ACOXL: variants seen among roughly 807,000 people sequenced by gnomAD.
ACOXL encodes acyl-CoA oxidase like.
In ACOXL, 70 loss-of-function variants were observed where a neutral mutation model predicts 71.9. The observed-to-expected ratio is 0.97, with a 90% CI of 0.80 to 1.19. The LOEUF (loss-of-function observed/expected upper bound fraction) is 1.19, where lower values mean the gene tolerates loss of function less well. Ranked by LOEUF, ACOXL falls within the 50% of genes most tolerant of loss-of-function variation. ACOXL has a pLI of 0.00. For synonymous variants in ACOXL, 253 were observed against 281.6 expected, an observed-to-expected ratio of 0.90 and a Z score of 1.02; for missense variants, 703 against 736.3, an observed-to-expected ratio of 0.95 and a Z score of 0.52.
intron 11 of ACOXL, among the ~76,000 whole-genome samples, chr2:110,927,773 A>G (rs1168534608): frequency 2.0e-5 from 3 of 152,128 alleles, no homozygotes; most frequent in East Asian, 3.9e-4. Flanking sequence ...TCACCTACAA[A>G]ATGAAATTGC....
At chr2:110,997,333 CA>C (rs1489866474) in intron 14 of ACOXL, among the ~76,000 whole-genome samples, 1 of 122,382 alleles carries the variant, frequency 8.2e-6, no homozygotes, top group Non-Finnish European at 1.8e-5. Flanking sequence ...CCTTCATTTC[CA>C]TTATGCTAAC....
At chr2:111,033,691 C>T (rs963382360) in intron 15 of ACOXL, among the ~76,000 whole-genome samples, 3 of 152,196 alleles carry the variant, frequency 2.0e-5, no homozygotes, top group African/African-American at 7.2e-5. Flanking sequence ...CGGGTTGAAA[C>T]ATATCTGGGG....
chr2:110,866,132 G>A (rs1029923416), intron 10 of ACOXL, among the ~76,000 whole-genome samples: 5 of 152,228 alleles, frequency 3.3e-5, no homozygotes, highest in African/African-American at 7.2e-5. Flanking sequence ...GTGGCGTGCC[G>A]TGTGCCTCAT....
intron 10 of ACOXL, among the ~76,000 whole-genome samples, chr2:110,883,538 C>A (rs1240624333): frequency 1.3e-5 from 2 of 152,132 alleles, no homozygotes; most frequent in African/African-American, 4.8e-5. Context: ...GTTAAGTGTC[C>A]TAACTTTGGA....
intron 2 of ACOXL, among the ~76,000 whole-genome samples, chr2:110,778,819 A>G (rs1682971134): frequency 1.3e-5 from 2 of 152,202 alleles, no homozygotes; most frequent in Non-Finnish European, 1.5e-5. Flanking sequence ...ATGTAGAATA[A>G]TGGGAACAAT....
At chr2:110,766,670 C>T (rs943778243) in intron 1 of ACOXL, among the ~76,000 whole-genome samples, 9 of 152,046 alleles carry the variant, frequency 5.9e-5, no homozygotes, top group South Asian at 2.1e-4. Flanking sequence ...TTGTTAATAC[C>T]GAGTAGGGGT....
At position 110,955,732 on chromosome 2, in the gene ACOXL, C is replaced by T. The variant is rs377338185; in HGVS notation, c.1059+22090C>T. 9.2e-5 allele frequency among the ~76,000 whole-genome samples: 14 copies of T among 151,952 alleles called. 2 individuals are homozygous for T. The highest frequency in any genetic ancestry group is 7.9e-4 in the Admixed American group (12 of 15,262). On this transcript the variant is annotated intron_variant, in intron 12 of 17. Transcript: ENST00000439055. ...TTCTGTACCCCTTCATGCCTCAGGGCGTTTGCACAGGCTGCTCTCTCAGCT... is the reference window on the plus strand; with the variant it reads ...TTCTGTACCCCTTCATGCCTCAGGGTGTTTGCACAGGCTGCTCTCTCAGCT...
At chr2:110,960,447 G>A (rs759557383) in intron 12 of ACOXL, among the ~76,000 whole-genome samples, 16 of 152,178 alleles carry the variant, frequency 1.1e-4, no homozygotes, top group African/African-American at 2.6e-4. Flanking sequence ...ATGTGCAGTC[G>A]TGGCCCTCCT....
intron 3 of ACOXL, among the ~76,000 whole-genome samples, chr2:110,791,196 T>C (rs1263026996): frequency 6.6e-6 from 1 of 152,234 alleles, no homozygotes; most frequent in African/African-American, 2.4e-5. Context: ...TACCTGACTG[T>C]GTGGATTGAG....
chr2:110,742,784 A>C (rs1036098501), intron 1 of ACOXL, among the ~76,000 whole-genome samples: 1 of 152,238 alleles, frequency 6.6e-6, no homozygotes, highest in Non-Finnish European at 1.5e-5. Context: ...GAAACTGTAG[A>C]TCTACTAGAA....
chr2:110,781,485 C>CA (rs984312969), intron 2 of ACOXL, among the ~76,000 whole-genome samples: 3 of 151,446 alleles, frequency 2.0e-5, no homozygotes, highest in African/African-American at 7.3e-5. Flanking sequence ...ACTAAAAATA[C>CA]AAAAAAATTA....
At chr2:111,000,347 G>A (rs1050372746) in intron 14 of ACOXL, among the ~76,000 whole-genome samples, 2 of 152,166 alleles carry the variant, frequency 1.3e-5, no homozygotes, top group Non-Finnish European at 2.9e-5. Flanking sequence ...GGTGTTGCCT[G>A]CCTTCTTATT....
intron 15 of ACOXL, among the ~76,000 whole-genome samples, chr2:111,046,942 G>T (rs2066044771): frequency 6.6e-6 from 1 of 152,210 alleles, no homozygotes; most frequent in African/African-American, 2.4e-5. Flanking sequence ...GCCAGGCTCA[G>T]AGTGGTGGCA....
chr2:111,073,047 A>G (rs2067415776), intron 16 of ACOXL, among the ~76,000 whole-genome samples: 1 of 152,224 alleles, frequency 6.6e-6, no homozygotes, highest in Non-Finnish European at 1.5e-5. Context: ...TGTTTGCCAT[A>G]TGTATCCCCT....
chr2:111,024,207 T>A (rs2064910566), intron 14 of ACOXL, among the ~76,000 whole-genome samples: 1 of 152,000 alleles, frequency 6.6e-6, no homozygotes, highest in Non-Finnish European at 1.5e-5. Flanking sequence ...TGTCCCCAGG[T>A]TGTAGATTGA....
At chr2:110,972,094 CTTG>C (rs928508830) in intron 12 of ACOXL, among the ~76,000 whole-genome samples, 28 of 152,148 alleles carry the variant, frequency 1.8e-4, no homozygotes, top group African/African-American at 6.8e-4. Context: ...ACAGGGACTC[CTTG>C]TTGTTTATCA....
intron 2 of ACOXL, among the ~76,000 whole-genome samples, chr2:110,776,464 G>A (rs1264727201): frequency 2.6e-5 from 4 of 152,160 alleles, no homozygotes; most frequent in Non-Finnish European, 4.4e-5. Flanking sequence ...AGATGTAAAG[G>A]TGCTCAGAAG....
rs1361397551 is a variant in ACOXL, at chr2:111,092,855, C to T, written c.1441-10C>T. The T allele has an allele frequency of 1.9e-6, 3 of 1,603,344 alleles. No homozygotes were observed. Among genetic ancestry groups the T allele is most frequent in the Non-Finnish European group, 2.6e-6 (3 of 1,171,298 alleles). ...TTTGTCCATTTCTTTTGTTTTCCCCCACCCCTTAGTTTTGTCTGTTGTATG... is the reference window on the plus strand; with the variant it reads ...TTTGTCCATTTCTTTTGTTTTCCCCTACCCCTTAGTTTTGTCTGTTGTATG... On this transcript the variant is annotated splice_polypyrimidine_tract_variant and intron_variant, in intron 16 of 17. Coordinates refer to ENST00000439055, the MANE Select transcript of ACOXL (RefSeq NM_001142807.4).
chr2:111,043,650 G>A (rs1242220414), intron 15 of ACOXL, among the ~76,000 whole-genome samples: 1 of 152,188 alleles, frequency 6.6e-6, no homozygotes, highest in African/African-American at 2.4e-5. Context: ...AGGCTCTCAA[G>A]GAGAGGCTGG....
Sources: allele counts gnomAD v4.1 joint callset (sites outside exome capture counted in the v4.1 genomes callset), GRCh38; gene constraint gnomAD v4.1.1; transcripts MANE v1.5; gene names NCBI Gene and HGNC (gene_info 2026-07-23, HGNC 2026-07-21).